The following CUX2 variants were observed in gnomAD, a reference collection of about 807,000 sequenced individuals.
CUX2 encodes cut like homeobox 2.
A neutral mutation model predicts 144.8 loss-of-function variants in CUX2; 40 were observed. The ratio of observed to expected loss-of-function variants is 0.28; its 90% CI spans 0.21 to 0.36. CUX2 has a LOEUF of 0.36. Among genes scored for constraint, CUX2 ranks in the 10% least tolerant of loss-of-function variants. The probability of loss-of-function intolerance (pLI) is 1.00; values close to 1 mark genes in which losing one functional copy is unlikely to be tolerated. For synonymous variants in CUX2, 827 were observed against 875.6 expected (o/e 0.94, Z 0.98); for missense variants, 1,615 against 1,994.0 (o/e 0.81, Z 3.62).
Position 111,178,265 on chromosome 12 carries a change from G to A in CUX2, c.64-35935G>A, listed in dbSNP as rs1364018889. Among the ~76,000 whole-genome samples, 4 of 152,284 alleles carry A rather than the reference G, an allele frequency of 2.6e-5. No individual in the cohort carries two copies. Among genetic ancestry groups the A allele is most frequent in the African/African-American group, 2.4e-5 (1 of 41,556 alleles). On this transcript the variant is annotated intron_variant, in intron 1 of 21. Coordinates refer to ENST00000261726, the MANE Select transcript of CUX2 (RefSeq NM_015267.4). The surrounding 1 kb of genome is among the most constrained non-coding windows in gnomAD (Gnocchi z 5.7). ...CAGCCAGTGTAATAAATCTTGCCCC[G>A]AAATCTCGGCAGCACATCTTGGCTG...
chr12:111,225,614 C>G (rs987462326), intron 3 of CUX2, among the ~76,000 whole-genome samples: 2 of 152,168 alleles, frequency 1.3e-5, no homozygotes, highest in Non-Finnish European at 2.9e-5. Flanking sequence ...GAGGGCCAAA[C>G]GGGCCCCTTG....
intron 1 of CUX2, among the ~76,000 whole-genome samples, chr12:111,125,137 C>A (rs1378641754): frequency 1.3e-5 from 2 of 152,034 alleles, no homozygotes; most frequent in African/African-American, 2.4e-5. Context: ...CCCCTAGGAG[C>A]CACCAGTTTA....
rs536072831 is a variant in CUX2, at chr12:111,194,237, A to G, written c.64-19963A>G. 2.6e-5 allele frequency among the ~76,000 whole-genome samples: 4 copies of G among 152,292 alleles called. No homozygotes were observed. The East Asian group carries it at 5.8e-4, about 22-fold the overall frequency. ...GGTGCTCATCAGCGAAACAGGAATA[A>G]TAACAGCACCCCCCTCCTGGGGTTC... On this transcript the variant is annotated intron_variant, in intron 1 of 21. Coordinates refer to ENST00000261726, the MANE Select transcript of CUX2 (RefSeq NM_015267.4).
At chr12:111,317,851 T>G (rs182439303) in intron 16 of CUX2, among the ~76,000 whole-genome samples, 90 of 151,758 alleles carry the variant, frequency 5.9e-4, no homozygotes, top group African/African-American at 2.1e-3. Context: ...CAAAAAAAAA[T>G]TAGCCAGGCC....
intron 4 of CUX2, among the ~76,000 whole-genome samples, chr12:111,274,100 T>C (rs957566518): frequency 1.3e-5 from 2 of 152,178 alleles, no homozygotes; most frequent in African/African-American, 4.8e-5. Context: ...GTTTTTTGTT[T>C]TTTATATTTT....
At chr12:111,342,545 G>A (rs1301225215) in intron 21 of CUX2, among the ~76,000 whole-genome samples, 1 of 152,044 alleles carries the variant, frequency 6.6e-6, no homozygotes. Flanking sequence ...TTCAGCTGTG[G>A]AGCCTTCTTC....
Position 111,289,685 on chromosome 12 carries a change from T to C in CUX2, c.302-1733T>C, listed in dbSNP as rs1212824792. 6.6e-6 allele frequency among the ~76,000 whole-genome samples: 1 copy of C among 150,990 alleles called. No individual in the cohort carries two copies. The highest frequency in any genetic ancestry group is 1.5e-5 in the Non-Finnish European group (1 of 67,794). On this transcript the variant is annotated intron_variant, in intron 4 of 21. Coordinates refer to ENST00000261726, the MANE Select transcript of CUX2 (RefSeq NM_015267.4). The surrounding 1 kb of genome is among the most constrained non-coding windows in gnomAD (Gnocchi z 4.1). ...GACCTGCACGTTCCTCACCTTTGAG[T>C]GATTGGGGAATTGGTGGACATCTTA...
chr12:111,077,927 T>G lies in CUX2; in HGVS notation c.63+43687T>G, dbSNP rs1002009713. Reference sequence around the variant, plus strand: ...AGCATTTATTTGTCAATGAAGAAATTTTTGCTTAATGTAACAGCAAGAAAG... The same window carrying G: ...AGCATTTATTTGTCAATGAAGAAATGTTTGCTTAATGTAACAGCAAGAAAG... On this transcript the variant is annotated intron_variant, in intron 1 of 21. Coordinates refer to ENST00000261726, the MANE Select transcript of CUX2 (RefSeq NM_015267.4). This position sits in a 1 kb window ranked among gnomAD's most constrained non-coding sequence, Gnocchi z 4.1. Among the ~76,000 whole-genome samples the G allele has an allele frequency of 1.3e-5, 2 of 152,162 alleles. No homozygotes were observed. Among genetic ancestry groups the G allele is most frequent in the African/African-American group, 4.8e-5 (2 of 41,416 alleles).
chr12:111,271,073 G>A (rs879537058), intron 4 of CUX2, among the ~76,000 whole-genome samples: 2 of 152,162 alleles, frequency 1.3e-5, no homozygotes, highest in African/African-American at 2.4e-5. Context: ...TGACATCAGG[G>A]TATAACAGTT....
At chr12:111,218,053 C>T (rs1881646068) in intron 3 of CUX2, 116 bp downstream of exon 3, 2 of 1,026,184 alleles carry the variant, frequency 1.9e-6, no homozygotes, top group Non-Finnish European at 3.0e-6. Context: ...AGAAGCTTCC[C>T]TGTCCCCATT....
chr12:111,329,368 C>A (rs1429013300), intron 18 of CUX2, among the ~76,000 whole-genome samples: 3 of 151,962 alleles, frequency 2.0e-5, no homozygotes, highest in African/African-American at 7.2e-5. Flanking sequence ...GTGACTCCCC[C>A]AGCCCTGTAA....
At chr12:111,318,245 C>CTTTTTTTT (rs541676829) in intron 16 of CUX2, among the ~76,000 whole-genome samples, 2 of 78,886 alleles carry the variant, frequency 2.5e-5, no homozygotes, top group Non-Finnish European at 4.5e-5. Flanking sequence ...TTTCTTTTTT[C>CTTTTTTTT]TTTTTTTTTT....
chr12:111,264,875 G>A (rs542090896), intron 4 of CUX2, among the ~76,000 whole-genome samples: 1 of 144,020 alleles, frequency 6.9e-6, no homozygotes, highest in Non-Finnish European at 1.5e-5. Context: ...GAAACATCCA[G>A]AACAGGCAAG....
intron 19 of CUX2, 144 bp from the exon 20 acceptor site, chr12:111,338,142 C>T (rs181927135): frequency 5.4e-5 from 44 of 813,844 alleles, no homozygotes; most frequent in Admixed American, 4.0e-4. Context: ...GTGGGTCCTC[C>T]GCCGTCTCTG....
chr12:111,145,426 T>C (rs1048096953), intron 1 of CUX2, among the ~76,000 whole-genome samples: 1 of 152,198 alleles, frequency 6.6e-6, no homozygotes, highest in Non-Finnish European at 1.5e-5. Flanking sequence ...TGGAGTACAG[T>C]GGCATGATCA....
At chr12:111,232,403 C>A (rs1329505687) in intron 3 of CUX2, among the ~76,000 whole-genome samples, 1 of 152,084 alleles carries the variant, frequency 6.6e-6, no homozygotes, top group Non-Finnish European at 1.5e-5. Flanking sequence ...ACTCAGGAGG[C>A]TGAGGTGAGA....
chr12:111,055,173 C>T (rs1870461128), intron 1 of CUX2, among the ~76,000 whole-genome samples: 1 of 152,188 alleles, frequency 6.6e-6, no homozygotes, highest in Non-Finnish European at 1.5e-5. Flanking sequence ...GCAGATTGGC[C>T]TCATAAAGGT....
chr12:111,047,645 C>A (rs2060554503), intron 1 of CUX2, among the ~76,000 whole-genome samples: 1 of 152,196 alleles, frequency 6.6e-6, no homozygotes, highest in South Asian at 2.1e-4. Flanking sequence ...CAAGGTCACA[C>A]AAGACTCGAA....
chr12:111,171,626 C>T lies in CUX2; in HGVS notation c.64-42574C>T, dbSNP rs545571613. The stretch of plus-strand genomic sequence containing the variant: ...TATGGGACGGAAAAGCCCAGAGTGC[C>T]CTCTCTGAGGAGTCATCCCAGCCTG... On this transcript the variant is annotated intron_variant, in intron 1 of 21. Transcript: ENST00000261726. This position sits in a 1 kb window ranked among gnomAD's most constrained non-coding sequence, Gnocchi z 5.0. Among the ~76,000 whole-genome samples, 111 of 152,228 alleles carry T rather than the reference C, an allele frequency of 7.3e-4. No individual in the cohort carries two copies. The highest frequency in any genetic ancestry group is 1.3e-3 in the Non-Finnish European group (87 of 68,012).
Sources: gnomAD v4.1 joint callset for allele counts (sites outside exome capture counted in the v4.1 genomes callset) on GRCh38, gnomAD v4.1.1 for gene constraint, Gnocchi (gnomAD v3.1) non-coding constraint, MANE v1.5 for transcripts, NCBI Gene and HGNC (gene_info 2026-07-23, HGNC 2026-07-21) for gene names.